Variants in CPED1 observed in about 807,000 individuals in gnomAD.
CPED1 encodes cadherin like and PC-esterase domain containing 1, also known as cadherin-like and PC-esterase domain-containing protein 1.
CPED1 carries 114 observed loss-of-function variants against 128.2 expected under a neutral mutation model. The ratio of observed to expected loss-of-function variants is 0.89; its 90% CI spans 0.76 to 1.04. The LOEUF (loss-of-function observed/expected upper bound fraction) is 1.04. Among genes scored for constraint, CPED1 ranks in the 50% least tolerant of loss-of-function variants. The pLI is 0.00. For synonymous variants in CPED1, 462 were observed against 426.7 expected (o/e 1.08, Z -1.02); for missense variants, 1,211 against 1,207.1 (o/e 1.00, Z -0.05).
intron 3 of CPED1, among the ~76,000 whole-genome samples, chr7:121,038,086 G>A (rs1792948806): frequency 6.6e-6 from 1 of 152,134 alleles, no homozygotes; most frequent in Non-Finnish European, 1.5e-5. Context: ...TCAGCAAGCA[G>A]CGACAGTTTG....
At chr7:121,080,329 A>G (rs148135137) in intron 5 of CPED1, among the ~76,000 whole-genome samples, 71 of 152,312 alleles carry the variant, frequency 4.7e-4, no homozygotes, top group African/African-American at 1.7e-3. Context: ...CTCAACTAAT[A>G]CATCGCCCAG....
intron 3 of CPED1, among the ~76,000 whole-genome samples, chr7:121,031,343 G>T (rs1166633510): frequency 1.3e-5 from 2 of 151,928 alleles, no homozygotes; most frequent in African/African-American, 2.4e-5. Flanking sequence ...ATGGAGTCTT[G>T]CTCTGTTGCC....
intron 16 of CPED1, among the ~76,000 whole-genome samples, chr7:121,185,447 C>T (rs1191332653): frequency 6.6e-6 from 1 of 152,078 alleles, no homozygotes; most frequent in African/African-American, 2.4e-5. Context: ...TCTAAAATCT[C>T]TATTAAATCA....
intron 3 of CPED1, among the ~76,000 whole-genome samples, chr7:121,042,866 T>G (rs557033001): frequency 3.3e-5 from 5 of 152,334 alleles, no homozygotes; most frequent in African/African-American, 1.2e-4. Flanking sequence ...CAAATCCTAA[T>G]GCAGTATTCT....
intron 18 of CPED1, among the ~76,000 whole-genome samples, chr7:121,253,231 A>T (rs1347835519): frequency 6.8e-6 from 1 of 146,484 alleles, no homozygotes; most frequent in Non-Finnish European, 1.5e-5. Context: ...CAAACACCTC[A>T]TGTTCTCACT....
At chr7:120,989,342 A>G (rs1421630979) in intron 1 of CPED1, 49 bp from the exon 2 acceptor site, 3 of 394,348 alleles carry the variant, frequency 7.6e-6, no homozygotes, top group Middle Eastern at 7.5e-4. Context: ...GGGTACACTC[A>G]GGTTATTCGT....
chr7:121,045,072 C>T (rs1396285395), intron 3 of CPED1, among the ~76,000 whole-genome samples: 1 of 152,028 alleles, frequency 6.6e-6, no homozygotes, highest in African/African-American at 2.4e-5. Flanking sequence ...ATGAAAAAGC[C>T]AGGTGCACTT....
chr7:121,179,150 A>G (rs1324861828), intron 16 of CPED1, among the ~76,000 whole-genome samples: 1 of 152,118 alleles, frequency 6.6e-6, no homozygotes. Flanking sequence ...TATGGGTGTT[A>G]GGACTATGAG....
At chr7:121,241,993 A>G (rs530608223) in intron 17 of CPED1, among the ~76,000 whole-genome samples, 12 of 152,320 alleles carry the variant, frequency 7.9e-5, no homozygotes, top group South Asian at 4.1e-4. Flanking sequence ...TTCTGATTCA[A>G]TGTCTGGGGT....
intron 16 of CPED1, among the ~76,000 whole-genome samples, chr7:121,151,408 G>A (rs1212793260): frequency 1.3e-5 from 2 of 152,066 alleles, no homozygotes; most frequent in Admixed American, 6.6e-5. Flanking sequence ...TCAGTTTATT[G>A]AGCACTTGCT....
At chr7:121,033,305 G>A (rs1157221765) in intron 3 of CPED1, among the ~76,000 whole-genome samples, 3 of 152,188 alleles carry the variant, frequency 2.0e-5, no homozygotes, top group Admixed American at 2.0e-4. Flanking sequence ...TTTTCTTCAT[G>A]ACACTATGTT....
intron 16 of CPED1, among the ~76,000 whole-genome samples, chr7:121,179,922 A>G (rs1796863606): frequency 6.6e-6 from 1 of 152,114 alleles, no homozygotes; most frequent in South Asian, 2.1e-4. Flanking sequence ...AGGGAAAAAA[A>G]TGAAACTAAC....
chr7:121,034,251 T>C (rs951611768), intron 3 of CPED1, among the ~76,000 whole-genome samples: 9 of 142,032 alleles, frequency 6.3e-5, no homozygotes, highest in Non-Finnish European at 1.4e-4. Flanking sequence ...TTTTTTCTTT[T>C]TTTTTTTTTT....
intron 21 of CPED1, among the ~76,000 whole-genome samples, chr7:121,268,713 T>G (rs1343753150): frequency 6.6e-6 from 1 of 151,990 alleles, no homozygotes; most frequent in African/African-American, 2.4e-5. Context: ...TATTTCAGTT[T>G]CTCAAGCACA....
chr7:121,173,691 A>G (rs981479719), intron 16 of CPED1, among the ~76,000 whole-genome samples: 2 of 152,144 alleles, frequency 1.3e-5, no homozygotes, highest in Non-Finnish European at 2.9e-5. Flanking sequence ...TGTAATGAAC[A>G]TTCACATGCA....
intron 3 of CPED1, among the ~76,000 whole-genome samples, chr7:121,029,173 T>C (rs1792669901): frequency 1.3e-5 from 2 of 152,190 alleles, no homozygotes; most frequent in Non-Finnish European, 2.9e-5. Flanking sequence ...CATTATTATA[T>C]GTAAATCTTT....
intron 17 of CPED1, among the ~76,000 whole-genome samples, chr7:121,240,539 A>G (rs1307409169): frequency 2.6e-5 from 4 of 152,152 alleles, no homozygotes; most frequent in Admixed American, 1.3e-4. Context: ...TTTAAAATAA[A>G]TTCATTATAA....
At position 121,192,863 on chromosome 7, in the gene CPED1, A is replaced by G. The variant is rs190899057; in HGVS notation, c.2056-43851A>G. Among the ~76,000 whole-genome samples the G allele has an allele frequency of 3.6e-3, 555 of 152,254 alleles. 6 individuals carry two copies. The highest frequency in any genetic ancestry group is 7.2e-4 in the Non-Finnish European group (49 of 67,996). On this transcript the variant is annotated intron_variant, in intron 16 of 22. Coordinates refer to ENST00000310396, the MANE Select transcript of CPED1 (RefSeq NM_024913.5). The stretch of plus-strand genomic sequence containing the variant: ...GACAGACAAAATAGATATGATTTTT[A>G]TGTTTTCTGTTGAGGAGAAGCAGAG...
At chr7:121,242,348 G>A (rs1798416784) in intron 17 of CPED1, among the ~76,000 whole-genome samples, 2 of 152,168 alleles carry the variant, frequency 1.3e-5, no homozygotes, top group African/African-American at 4.8e-5. Flanking sequence ...CCCTGGTTAA[G>A]GAGATGATAA....
Sources: gnomAD v4.1 joint callset for allele counts (sites outside exome capture counted in the v4.1 genomes callset) on GRCh38, gnomAD v4.1.1 for gene constraint, MANE v1.5 for transcripts, NCBI Gene and HGNC (gene_info 2026-07-23, HGNC 2026-07-21) for gene names.